The following ATRNL1 variants were observed in gnomAD, a reference collection of about 807,000 sequenced individuals.
ATRNL1 encodes attractin-like protein 1.
Under a neutral mutation model 182.7 loss-of-function variants are expected in ATRNL1, and 95 were observed. The observed-to-expected ratio is 0.52, with a 90% CI of 0.44 to 0.62. The LOEUF is 0.62. ATRNL1 is among the 20% of genes least tolerant of loss of function. ATRNL1 has a pLI of 0.00. For synonymous variants in ATRNL1, 576 were observed against 568.3 expected, an observed-to-expected ratio of 1.01 and a Z score of -0.19; for missense variants, 1,471 against 1,679.5, an observed-to-expected ratio of 0.88 and a Z score of 2.17.
chr10:115,395,038 C>T lies in ATRNL1; in HGVS notation c.3269+286C>T, dbSNP rs561533214. 5.9e-5 allele frequency among the ~76,000 whole-genome samples: 9 copies of T among 152,002 alleles called. No homozygotes were observed. In the East Asian group the frequency reaches 1.7e-3, roughly 29 times the overall value. The stretch of plus-strand genomic sequence containing the variant: ...CCCCTTCCTGCCTCTCTCTCTCTAG[C>T]AGTTCCCAGTGTCTGTTGTTCCCAT... On this transcript the variant is annotated intron_variant, in intron 20 of 28. Transcript: ENST00000355044.
At chr10:115,488,700 AG>A (rs1184166112) in intron 24 of ATRNL1, among the ~76,000 whole-genome samples, 1 of 152,106 alleles carries the variant, frequency 6.6e-6, no homozygotes, top group East Asian at 1.9e-4. Flanking sequence ...GATTTTTTGA[AG>A]GGTTTTTCGT....
At chr10:115,315,330 G>C (rs1482488055) in intron 17 of ATRNL1, among the ~76,000 whole-genome samples, 188 bp from the exon 18 acceptor site, 3 of 151,892 alleles carry the variant, frequency 2.0e-5, no homozygotes, top group African/African-American at 7.3e-5. Flanking sequence ...TCTCCTCTTT[G>C]TTTGTGATGT....
At chr10:115,867,259 T>C (rs1555104943) in intron 28 of ATRNL1, among the ~76,000 whole-genome samples, 1 of 152,220 alleles carries the variant, frequency 6.6e-6, no homozygotes, top group African/African-American at 2.4e-5. Flanking sequence ...ATTCATTTTT[T>C]GGATTTCTTT....
At chr10:115,369,520 C>T (rs1857274440) in intron 19 of ATRNL1, among the ~76,000 whole-genome samples, 1 of 152,130 alleles carries the variant, frequency 6.6e-6, no homozygotes, top group Admixed American at 6.5e-5. Context: ...GTGAATACTG[C>T]TGCAGTAAAC....
At chr10:115,902,627 A>C (rs577622034) in intron 28 of ATRNL1, among the ~76,000 whole-genome samples, 2 of 152,352 alleles carry the variant, frequency 1.3e-5, no homozygotes, top group African/African-American at 2.4e-5. Context: ...GAAGCTACAC[A>C]AAAAGCAAAT....
chr10:115,672,268 G>T (rs564965483), intron 26 of ATRNL1, among the ~76,000 whole-genome samples: 1 of 152,018 alleles, frequency 6.6e-6, no homozygotes. Context: ...GAAGCTCAGG[G>T]GTTAAGTGAC....
intron 21 of ATRNL1, among the ~76,000 whole-genome samples, chr10:115,454,907 G>C (rs1847449619): frequency 6.6e-6 from 1 of 151,886 alleles, no homozygotes; most frequent in African/African-American, 2.4e-5. Flanking sequence ...TTGCCTAATT[G>C]CTCTGGACCT....
At chr10:115,692,751 T>A (rs941711664) in intron 26 of ATRNL1, among the ~76,000 whole-genome samples, 38 of 152,004 alleles carry the variant, frequency 2.5e-4, no homozygotes, top group African/African-American at 8.4e-4. Flanking sequence ...AAATCCAATA[T>A]AAATAATATG....
intron 24 of ATRNL1, among the ~76,000 whole-genome samples, chr10:115,484,726 T>G (rs7906146): frequency 0.67 from 101,636 of 151,562 alleles, 34,685 homozygotes; most frequent in Middle Eastern, 0.73. Context: ...TTCTGAGGAA[T>G]ACTACAAATT....
chr10:115,204,016 A>G (rs141840634), intron 8 of ATRNL1, among the ~76,000 whole-genome samples: 505 of 152,042 alleles, frequency 3.3e-3, no homozygotes, highest in Non-Finnish European at 5.1e-3. Context: ...TATCTTGGAG[A>G]TATAATCCTT....
Position 115,241,739 on chromosome 10 carries a change from AG to A in ATRNL1, c.1687+16del. On this transcript the variant is annotated intron_variant, in intron 10 of 28. Transcript: ENST00000355044. ...CATATGACATAGGTATGTATCTGTT[AG>A]GATTGTACAAAGTAGGAAATATCAG... 1.3e-6 allele frequency: 2 copies of A among 1,599,714 alleles called. No individual in the cohort carries two copies. The highest frequency in any genetic ancestry group is 1.7e-6 in the Non-Finnish European group (2 of 1,170,832).
At chr10:115,238,914 G>C (rs1328108961) in intron 9 of ATRNL1, among the ~76,000 whole-genome samples, 4 of 151,982 alleles carry the variant, frequency 2.6e-5, no homozygotes, top group Non-Finnish European at 5.9e-5. Context: ...TCTATTCCTA[G>C]TTTGCTGAGT....
chr10:115,105,966 G>A (rs1235818718), intron 1 of ATRNL1, among the ~76,000 whole-genome samples: 1 of 152,202 alleles, frequency 6.6e-6, no homozygotes, highest in Non-Finnish European at 1.5e-5. Flanking sequence ...GTGGAGCTGT[G>A]AGAAGAGGGC....
chr10:115,399,293 A>G (rs1358398965), intron 20 of ATRNL1, among the ~76,000 whole-genome samples: 2 of 151,618 alleles, frequency 1.3e-5, no homozygotes, highest in African/African-American at 2.4e-5. Flanking sequence ...TCATCTGTGA[A>G]CTCATCATGT....
At position 115,365,895 on chromosome 10, in the gene ATRNL1, A is replaced by T. The variant is rs1455934638; in HGVS notation, c.3176-28764A>T. On this transcript the variant is annotated intron_variant, in intron 19 of 28. Transcript: ENST00000355044. ...ACTGTGGTCTGAGAGATAGTTTGTT[A>T]TAATCTCTGTTCTTTTACATTTGCT... Among the ~76,000 whole-genome samples the T allele has an allele frequency of 1.2e-4, 19 of 152,218 alleles. No homozygotes were observed. In the East Asian group the frequency reaches 3.5e-3, roughly 28 times the overall value.
chr10:115,445,088 C>T (rs11197217), intron 21 of ATRNL1, among the ~76,000 whole-genome samples: 45,762 of 151,794 alleles, frequency 0.3, 8,103 homozygotes, highest in Middle Eastern at 0.45. Flanking sequence ...TATATATTTT[C>T]CATAAATATT....
At chr10:115,561,704 G>GTGTGTGTGTGT (rs1554999746) in intron 26 of ATRNL1, among the ~76,000 whole-genome samples, 2,350 of 144,986 alleles carry the variant, frequency 0.016, 63 homozygotes, top group African/African-American at 0.035. Flanking sequence ...TGTGTGTGTG[G>GTGTGTGTGTGT]GTGTGTGTGT....
intron 26 of ATRNL1, among the ~76,000 whole-genome samples, chr10:115,645,345 G>A (rs566987362): frequency 1.3e-5 from 2 of 149,872 alleles, no homozygotes; most frequent in South Asian, 2.1e-4. Context: ...TTTCCAAAAA[G>A]TAATGCAGTG....
chr10:115,338,514 T>C (rs957718539), intron 19 of ATRNL1, among the ~76,000 whole-genome samples: 43 of 152,220 alleles, frequency 2.8e-4, no homozygotes, highest in African/African-American at 9.9e-4. Flanking sequence ...TGTTTGTCAT[T>C]TGTATGTCTT....
Sources: allele counts gnomAD v4.1 joint callset (sites outside exome capture counted in the v4.1 genomes callset), GRCh38; gene constraint gnomAD v4.1.1; transcripts MANE v1.5; gene names NCBI Gene and HGNC (gene_info 2026-07-23, HGNC 2026-07-21).